TMEM260: variants seen among roughly 807,000 people sequenced by gnomAD.
TMEM260 encodes the protein transmembrane protein 260, also known as protein O-mannosyl-transferase TMEM260.
Under a neutral mutation model 88.9 loss-of-function variants are expected in TMEM260, and 82 were observed. The ratio of observed to expected loss-of-function variants is 0.92; its 90% confidence interval spans 0.77 to 1.11. The LOEUF (loss-of-function observed/expected upper bound fraction) is 1.11, where lower values mean the gene tolerates loss of function less well. TMEM260 is among the 50% of genes least tolerant of loss of function. TMEM260 has a pLI of 0.00. For missense variants in TMEM260, 902 were observed against 853.4 expected, an observed-to-expected ratio of 1.06 and a Z score of -0.71; for synonymous variants, 314 against 309.3, an observed-to-expected ratio of 1.02 and a Z score of -0.16.
intron 5 of TMEM260, 35 bp downstream of exon 5, chr14:56,605,718 A>G (rs2139558098): frequency 1.6e-6 from 2 of 1,278,288 alleles, no homozygotes; most frequent in East Asian, 2.4e-5. Context: ...AAAGTACAAT[A>G]TTTTACTTAG....
chr14:56,601,122 C>A (rs1297325108), intron 3 of TMEM260, among the ~76,000 whole-genome samples: 1 of 152,124 alleles, frequency 6.6e-6, no homozygotes, highest in African/African-American at 2.4e-5. Context: ...TCATCGAAGT[C>A]AAAAATTTTA....
chr14:56,644,193 T>C (rs527854799), intron 15 of TMEM260, among the ~76,000 whole-genome samples: 38 of 152,168 alleles, frequency 2.5e-4, no homozygotes, highest in South Asian at 2.1e-3. Context: ...GAGCCCACAT[T>C]GCCAAATCAA....
At chr14:56,637,219 G>A (rs868821267) in intron 15 of TMEM260, among the ~76,000 whole-genome samples, 1 of 152,278 alleles carries the variant, frequency 6.6e-6, no homozygotes, top group South Asian at 2.1e-4. Context: ...AGTGGCAATA[G>A]GAAACTAATA....
the TMEM260 span, among the ~76,000 whole-genome samples, chr14:56,657,300 A>G: frequency 4.1e-5 from 6 of 145,072 alleles, no homozygotes; most frequent in Non-Finnish European, 8.9e-5. Context: ...CCATTTATTC[A>G]CTTTTTTTTT....
At chr14:56,625,678 ATC>A (rs1320869060) in intron 12 of TMEM260, 148 bp downstream of exon 12, 1 of 622,954 alleles carries the variant, frequency 1.6e-6, no homozygotes, top group African/African-American at 1.9e-5. Context: ...TAAATTGAAT[ATC>A]TGTGCATAAA....
At chr14:56,598,449 C>T (rs1886378176) in intron 3 of TMEM260, among the ~76,000 whole-genome samples, 2 of 152,098 alleles carry the variant, frequency 1.3e-5, no homozygotes, top group Admixed American at 1.3e-4. Flanking sequence ...GTAGATGCTG[C>T]AGATGTGGAC....
At chr14:56,615,692 G>T (rs1001096865) in intron 7 of TMEM260, 17 of 413,530 alleles carry the variant, frequency 4.1e-5, no homozygotes, top group African/African-American at 3.4e-4. Context: ...AAATACAGAA[G>T]AATTATTTGT....
At chr14:56,661,467 G>A in the TMEM260 span, among the ~76,000 whole-genome samples, 1 of 141,886 alleles carries the variant, frequency 7.0e-6, no homozygotes, top group African/African-American at 2.6e-5. Flanking sequence ...AAAATGGATA[G>A]ACAGACAGGT....
rs781625770 is a variant in TMEM260, at chr14:56,621,655, C to A, written c.1351C>A (p.His451Asn). The change falls in exon 11 of 16, where the codon CAT becomes AAT. Residue 451 changes from histidine (H) to asparagine (N), a missense_variant. Transcript: ENST00000261556. ...GCCAGGAAATTCTCTCCGTTACATG[C>A]ATTACTGTGAGGGGTTGAGGCCTGA... ...DLPGNSLRYMHYCEGLRPDIS... is the reference protein window; with the variant it reads ...DLPGNSLRYMNYCEGLRPDIS... 6.2e-7 allele frequency: 1 copy of A among 1,613,056 alleles called. No individual in the cohort carries two copies. Among genetic ancestry groups the A allele is most frequent in the South Asian group, 1.1e-5 (1 of 90,838 alleles).
chr14:56,613,598 T>A (rs1295948446), intron 7 of TMEM260: 2 of 152,180 alleles, frequency 1.3e-5, no homozygotes, highest in African/African-American at 2.4e-5. Context: ...CTGCTGTTTT[T>A]CACTTTACAT....
chr14:56,595,635 C>T (rs911577652), intron 3 of TMEM260, among the ~76,000 whole-genome samples: 7 of 152,090 alleles, frequency 4.6e-5, no homozygotes, highest in African/African-American at 9.6e-5. Context: ...ATGTGCACCA[C>T]GCCCAGCTAA....
At chr14:56,588,196 T>G (rs1266981609) in intron 3 of TMEM260, among the ~76,000 whole-genome samples, 2 of 152,088 alleles carry the variant, frequency 1.3e-5, no homozygotes, top group East Asian at 3.8e-4. Flanking sequence ...GTTTTATTCT[T>G]TCTTTCCCCC....
chr14:56,606,737 C>CA (rs1005118060), intron 5 of TMEM260, among the ~76,000 whole-genome samples: 4 of 151,732 alleles, frequency 2.6e-5, no homozygotes, highest in Admixed American at 1.3e-4. Context: ...ACTAAAAATA[C>CA]AAAAAAAAGT....
intron 11 of TMEM260, among the ~76,000 whole-genome samples, chr14:56,623,317 TC>T (rs1188114059): frequency 6.6e-6 from 1 of 152,126 alleles, no homozygotes; most frequent in Non-Finnish European, 1.5e-5. Context: ...TCTTGACTTT[TC>T]CCTCCCAGTC....
chr14:56,661,232 C>T, the TMEM260 span, among the ~76,000 whole-genome samples: 2 of 152,088 alleles, frequency 1.3e-5, no homozygotes, highest in Admixed American at 6.5e-5. Flanking sequence ...ACCCCTCCTC[C>T]TCCTAGACTC....
At chr14:56,650,625 G>A (rs1421443995), downstream of TMEM260, 2 of 152,334 alleles carry the variant, frequency 1.3e-5, no homozygotes, top group Non-Finnish European at 2.9e-5. Context: ...CATATTCTTA[G>A]TGTTTTCTCT....
chr14:56,660,561 G>C, the TMEM260 span, among the ~76,000 whole-genome samples: 111 of 152,330 alleles, frequency 7.3e-4, no homozygotes, highest in Non-Finnish European at 1.4e-3. Context: ...AGGAGAATTA[G>C]AAGGCTTAGA....
chr14:56,606,852 G>A (rs1312663375), intron 5 of TMEM260, among the ~76,000 whole-genome samples: 4 of 152,166 alleles, frequency 2.6e-5, no homozygotes, highest in Admixed American at 6.5e-5. Context: ...CCGATATCGC[G>A]CCACTGCGCT....
intron 15 of TMEM260, among the ~76,000 whole-genome samples, chr14:56,642,917 A>C (rs905626624): frequency 1.3e-5 from 2 of 152,240 alleles, no homozygotes; most frequent in Non-Finnish European, 2.9e-5. Context: ...ATCTAGAAGA[A>C]ATGGATAAAT....
Sources: gnomAD v4.1 joint callset for allele counts (sites outside exome capture counted in the v4.1 genomes callset) on GRCh38, gnomAD v4.1.1 for gene constraint, MANE v1.5 for transcripts, NCBI Gene and HGNC (gene_info 2026-07-23, HGNC 2026-07-21) for gene names.